Variants in FOXN1 observed in about 807,000 individuals in gnomAD.
FOXN1 encodes forkhead box protein N1.
Under a neutral mutation model 49.0 loss-of-function variants are expected in FOXN1, and 15 were observed. The ratio of observed to expected loss-of-function variants is 0.31; its 90% CI spans 0.20 to 0.47. FOXN1 has a LOEUF of 0.47. Among genes scored for constraint, FOXN1 ranks in the 20% least tolerant of loss-of-function variants. The pLI is 1.00. For synonymous variants in FOXN1, 356 were observed against 369.0 expected, an observed-to-expected ratio of 0.96 and a Z score of 0.40; for missense variants, 800 against 842.8, an observed-to-expected ratio of 0.95 and a Z score of 0.63.
At chr17:28,523,921 G>C (rs1400634587) in intron 1 of FOXN1, 35 bp from the exon 2 acceptor site, 2 of 1,612,406 alleles carry the variant, frequency 1.2e-6, no homozygotes, top group South Asian at 1.1e-5. Context: ...ACTGGATGCT[G>C]GTCCTCACTC....
rs1199615099 is a variant in FOXN1 at position 28,537,533 on chromosome 17, T to C, written c.*97T>C. On this transcript the variant is annotated 3_prime_UTR_variant, in exon 9 of 9. Coordinates refer to ENST00000579795, the MANE Select transcript of FOXN1 (RefSeq NM_001369369.1). ...CACCTTAAAGGTCAAGGAAGGAAAA[T>C]ACTACCTGTCCCCTATGCCACTAAG... is the stretch of plus-strand genomic sequence containing the variant. 2 of 945,560 alleles carry C rather than the reference T, an allele frequency of 2.1e-6. No individual in the cohort carries two copies. Among genetic ancestry groups the C allele is most frequent in the Non-Finnish European group, 3.4e-6 (2 of 595,934 alleles). 58.6% of individuals were successfully genotyped at this position (945,560 alleles called of 1,614,324 possible).
At chr17:28,510,148 C>T (rs1460941213) in intron 1 of FOXN1, among the ~76,000 whole-genome samples, 1 of 152,116 alleles carries the variant, frequency 6.6e-6, no homozygotes, top group African/African-American at 2.4e-5. Context: ...GTCTGACCCT[C>T]GCCCTCCACC....
At chr17:28,530,977 T>C in intron 6 of FOXN1, 132 bp downstream of exon 6, 1 of 682,850 alleles carries the variant, frequency 1.5e-6, no homozygotes, top group East Asian at 2.7e-5. Context: ...ACCCCCACCA[T>C]GCTTTCCGTT....
chr17:28,514,347 G>C (rs991078252), intron 1 of FOXN1, among the ~76,000 whole-genome samples: 5 of 152,152 alleles, frequency 3.3e-5, no homozygotes, highest in Non-Finnish European at 5.9e-5. Context: ...CTCTGTACTT[G>C]AGTCAGATCT....
chr17:28,524,181 G>A, intron 2 of FOXN1, 89 bp downstream of exon 2: 1 of 1,372,886 alleles, frequency 7.3e-7, no homozygotes, highest in Non-Finnish European at 1.0e-6. Flanking sequence ...CGCCCCCAGG[G>A]ACCTCCCAGG....
intron 8 of FOXN1, among the ~76,000 whole-genome samples, chr17:28,536,380 G>A (rs922456096): frequency 2.0e-5 from 3 of 152,196 alleles, no homozygotes; most frequent in Admixed American, 6.5e-5. Context: ...TTTCTCATCT[G>A]GGCCTAGAGG....
intron 1 of FOXN1, among the ~76,000 whole-genome samples, 170 bp downstream of exon 1, chr17:28,506,613 G>A (rs1555606143): frequency 6.6e-6 from 1 of 152,210 alleles, no homozygotes; most frequent in East Asian, 1.9e-4. Flanking sequence ...AGGCCAAGGG[G>A]CACCCCTTCC....
intron 8 of FOXN1, among the ~76,000 whole-genome samples, chr17:28,535,795 C>T (rs1401380229): frequency 6.6e-6 from 1 of 152,210 alleles, no homozygotes; most frequent in Non-Finnish European, 1.5e-5. Flanking sequence ...CTGCAAAGGG[C>T]TCCGTGTTCT....
chr17:28,534,548 G>A lies in FOXN1; in HGVS notation c.1135+10G>A, dbSNP rs778010436. ...AGCATGGCCAAGCCAGGTGAGGCCG[G>A]CCGGGCCACGCAAGGAAGGGCCCAG... On this transcript the variant is annotated intron_variant, in intron 7 of 8. Coordinates refer to ENST00000579795, the MANE Select transcript of FOXN1 (RefSeq NM_001369369.1). The surrounding 1 kb of genome is among the most constrained non-coding windows in gnomAD (Gnocchi z 4.1). The A allele has an allele frequency of 1.4e-5, 23 of 1,612,040 alleles. No homozygotes were observed. The highest frequency in any genetic ancestry group is 3.8e-4 in the Middle Eastern group (2 of 5,328).
At chr17:28,529,897 AC>A (rs2069867385) in intron 5 of FOXN1, among the ~76,000 whole-genome samples, 1 of 152,136 alleles carries the variant, frequency 6.6e-6, no homozygotes, top group African/African-American at 2.4e-5. Flanking sequence ...TCACTGAAAG[AC>A]ATACACGCAG....
intron 1 of FOXN1, among the ~76,000 whole-genome samples, chr17:28,513,610 T>C (rs560516214): frequency 2.0e-5 from 3 of 152,370 alleles, no homozygotes; most frequent in African/African-American, 7.2e-5. Flanking sequence ...GTGGCATTTA[T>C]GGGGCATGTG....
At chr17:28,530,668 T>G in intron 5 of FOXN1, 81 bp from the exon 6 acceptor site, 2 of 799,192 alleles carry the variant, frequency 2.5e-6, no homozygotes, top group Non-Finnish European at 4.6e-6. Flanking sequence ...CCATAGAGCC[T>G]CTCACCAGGG....
rs2069701876 is a variant in FOXN1 at position 28,523,951 on chromosome 17, T to C, written c.-14-5T>C. 1.2e-6 allele frequency: 2 copies of C among 1,613,082 alleles called. No individual in the cohort carries two copies. Among genetic ancestry groups the C allele is most frequent in the Non-Finnish European group, 1.7e-6 (2 of 1,179,924 alleles). On this transcript the variant is annotated splice_region_variant and splice_polypyrimidine_tract_variant and intron_variant, in intron 1 of 8. Coordinates refer to ENST00000579795, the MANE Select transcript of FOXN1 (RefSeq NM_001369369.1). ...TCACTCTCATGGCAGACGGCTTTCTTTGAGGCCAGGACTGGGTGATGGTGT... is the reference window on the plus strand; with the variant it reads ...TCACTCTCATGGCAGACGGCTTTCTCTGAGGCCAGGACTGGGTGATGGTGT...
At chr17:28,527,435 T>C in intron 4 of FOXN1, 74 bp downstream of exon 4, 1 of 850,012 alleles carries the variant, frequency 1.2e-6, no homozygotes. Flanking sequence ...TGTGTGGGTG[T>C]CTATGTGATG....
intron 6 of FOXN1, among the ~76,000 whole-genome samples, chr17:28,531,271 C>T (rs1055455523): frequency 6.6e-6 from 1 of 152,154 alleles, no homozygotes; most frequent in African/African-American, 2.4e-5. Flanking sequence ...GCTGAAGAAG[C>T]CATTGCCTTC....
intron 3 of FOXN1, among the ~76,000 whole-genome samples, chr17:28,525,415 C>A (rs958446224): frequency 6.6e-6 from 1 of 152,118 alleles, no homozygotes; most frequent in African/African-American, 2.4e-5. Flanking sequence ...GTGGAGGGAC[C>A]CTTCCTGGCC....
intron 6 of FOXN1, 133 bp downstream of exon 6, chr17:28,530,978 G>A: frequency 1.5e-6 from 1 of 682,700 alleles, no homozygotes; most frequent in Non-Finnish European, 2.7e-6. Context: ...CCCCCACCAT[G>A]CTTTCCGTTG....
At chr17:28,516,267 A>T (rs1364141076) in intron 1 of FOXN1, among the ~76,000 whole-genome samples, 1 of 150,218 alleles carries the variant, frequency 6.7e-6, no homozygotes, top group Non-Finnish European at 1.5e-5. Context: ...CAGAATCCAT[A>T]CCTCCACAGG....
In FOXN1 at chr17:28,529,103, G is replaced by A. The variant is rs745321270; in HGVS notation, c.709G>A (p.Gly237Ser). ...CTTTTGACCTCCTCAGTACTCGCCA[G>A]GTGGTGGCAGCTACCCCATACCCTA... ...SQPPFHQYSP[G>S]GGSYPIPYLG... The change falls in exon 5 of 9, where the codon GGT becomes AGT. Residue 237 changes from glycine to serine, a missense_variant. Physicochemically the swap from Gly to Ser is moderately conservative, Grantham distance 56. Transcript: ENST00000579795. 10 of 1,614,056 alleles carry A rather than the reference G, an allele frequency of 6.2e-6. No individual in the cohort carries two copies. The Admixed American group carries it at 6.7e-5, about 11-fold the overall frequency.
Sources: allele counts gnomAD v4.1 joint callset (sites outside exome capture counted in the v4.1 genomes callset), GRCh38; gene constraint gnomAD v4.1.1; non-coding constraint Gnocchi (gnomAD v3.1); transcripts MANE v1.5; gene names NCBI Gene and HGNC (gene_info 2026-07-23, HGNC 2026-07-21).